Variants in ODAD2 observed in about 807,000 individuals in gnomAD.
ODAD2 encodes outer dynein arm docking complex subunit 2, also known as outer dynein arm-docking complex subunit 2.
ODAD2 carries 89 observed loss-of-function variants against 106.8 expected under a neutral mutation model. The ratio of observed to expected loss-of-function variants is 0.83; its 90% confidence interval spans 0.70 to 0.99. The LOEUF (loss-of-function observed/expected upper bound fraction) is 0.99, where lower values mean the gene tolerates loss of function less well. ODAD2 is among the 50% of genes least tolerant of loss of function. The pLI, the probability that ODAD2 is intolerant of heterozygous loss-of-function variation, is 0.00. For missense variants in ODAD2, 1,168 were observed against 1,238.5 expected, an observed-to-expected ratio of 0.94 and a Z score of 0.85; for synonymous variants, 404 against 436.2, an observed-to-expected ratio of 0.93 and a Z score of 0.92.
intron 2 of ODAD2, among the ~76,000 whole-genome samples, chr10:27,989,911 G>A (rs1393172579): frequency 1.3e-5 from 2 of 152,102 alleles, no homozygotes; most frequent in Non-Finnish European, 2.9e-5. Flanking sequence ...AGATTTTGAA[G>A]AGGAAGTTTC....
At chr10:27,836,792 GATTA>G (rs1267370105) in intron 19 of ODAD2, among the ~76,000 whole-genome samples, 5 of 152,164 alleles carry the variant, frequency 3.3e-5, no homozygotes, top group Non-Finnish European at 4.4e-5. Flanking sequence ...TCAATTGATT[GATTA>G]ATAATGTTGG....
chr10:27,820,333 T>A (rs1836502497), intron 19 of ODAD2, among the ~76,000 whole-genome samples: 1 of 151,956 alleles, frequency 6.6e-6, no homozygotes, highest in Non-Finnish European at 1.5e-5. Flanking sequence ...CTGCAGTCTC[T>A]GCTTGGGCTT....
intron 19 of ODAD2, among the ~76,000 whole-genome samples, chr10:27,826,202 G>A (rs973704074): frequency 2.0e-5 from 3 of 152,084 alleles, no homozygotes; most frequent in African/African-American, 7.2e-5. Context: ...CCCTGCTCTG[G>A]TCCACCATGA....
chr10:27,946,266 T>A (rs1846917493), intron 10 of ODAD2, among the ~76,000 whole-genome samples: 1 of 150,188 alleles, frequency 6.7e-6, no homozygotes. Flanking sequence ...AGATAACATA[T>A]AATAGGCTTA....
At chr10:27,874,828 G>T (rs1413438101) in intron 17 of ODAD2, among the ~76,000 whole-genome samples, 1 of 152,092 alleles carries the variant, frequency 6.6e-6, no homozygotes, top group East Asian at 1.9e-4. Context: ...TGACAATTAT[G>T]TGTCTTGGAG....
chr10:27,990,489 T>TAA (rs1410183258), intron 2 of ODAD2, among the ~76,000 whole-genome samples: 5 of 152,216 alleles, frequency 3.3e-5, no homozygotes, highest in South Asian at 4.1e-4. Context: ...TTTAGTGTCT[T>TAA]ACTACTTAAT....
rs535552245 is a variant in ODAD2, at chr10:27,903,382, A to T, written c.2610+4281T>A. Among the ~76,000 whole-genome samples, 3 of 152,316 alleles carry T rather than the reference A, an allele frequency of 2.0e-5. No homozygotes were observed. The South Asian group carries it at 6.2e-4, about 32-fold the overall frequency. ...AAAGCTGTAAGCATTCCCTTTGAAAACCAGCACAAGACAAGGATGCCCTCT... is the reference window on the plus strand; with the variant it reads ...AAAGCTGTAAGCATTCCCTTTGAAATCCAGCACAAGACAAGGATGCCCTCT... On this transcript the variant is annotated intron_variant, in intron 17 of 19. Transcript: ENST00000305242.
chr10:27,985,738 A>G (rs1170965037), intron 3 of ODAD2, among the ~76,000 whole-genome samples: 1 of 151,786 alleles, frequency 6.6e-6, no homozygotes, highest in Non-Finnish European at 1.5e-5. Context: ...TTGCAATGCC[A>G]TATGATCTTA....
chr10:27,883,179 T>C (rs1209442158), intron 17 of ODAD2, among the ~76,000 whole-genome samples: 1 of 151,654 alleles, frequency 6.6e-6, no homozygotes, highest in Non-Finnish European at 1.5e-5. Flanking sequence ...AGTCTGAGAG[T>C]TGTAAACTGT....
chr10:27,850,751 C>T (rs1056252453), intron 19 of ODAD2, among the ~76,000 whole-genome samples: 3 of 152,100 alleles, frequency 2.0e-5, no homozygotes, highest in African/African-American at 7.2e-5. Context: ...AACTGTGAAA[C>T]AACAACTTTC....
chr10:27,913,863 G>C (rs1208581480), intron 16 of ODAD2, among the ~76,000 whole-genome samples: 1 of 152,146 alleles, frequency 6.6e-6, no homozygotes, highest in East Asian at 1.9e-4. Flanking sequence ...GGAGAAAAGG[G>C]AAAGCTTGTA....
At chr10:27,937,339 C>CTTTTTTTTTTTTTTTTTTTTTTT (rs57375404) in intron 14 of ODAD2, among the ~76,000 whole-genome samples, 2 of 132,768 alleles carry the variant, frequency 1.5e-5, no homozygotes, top group East Asian at 2.1e-4. Flanking sequence ...TTTCTTTTTT[C>CTTTTTTTTTTTTTTTTTTTTTTT]TTTTTTTTTT....
At chr10:27,999,524 G>A (rs1312499118), upstream of ODAD2, among the ~76,000 whole-genome samples, 1 of 152,106 alleles carries the variant, frequency 6.6e-6, no homozygotes, top group Non-Finnish European at 1.5e-5. Flanking sequence ...GCAGAGGATC[G>A]GAGTGAAATG....
At chr10:27,841,627 C>T (rs948153163) in intron 19 of ODAD2, among the ~76,000 whole-genome samples, 1 of 151,908 alleles carries the variant, frequency 6.6e-6, no homozygotes, top group African/African-American at 2.4e-5. Flanking sequence ...AAATCCTGAC[C>T]TCAGGTGATC....
chr10:27,946,116 T>C (rs1013676612), intron 10 of ODAD2, among the ~76,000 whole-genome samples: 11 of 148,652 alleles, frequency 7.4e-5, no homozygotes, highest in East Asian at 1.9e-4. Context: ...TTATCTATTG[T>C]ATAATTTTAA....
chr10:27,984,169 G>T lies in ODAD2; in HGVS notation c.682+15C>A. On this transcript the variant is annotated intron_variant, in intron 5 of 19. Transcript: ENST00000305242. Reference sequence around the variant, plus strand: ...AATGTAAATAACATAAAATGAGCCTGAGAAAACATCAAACCTGAGGTATAT... The same window carrying T: ...AATGTAAATAACATAAAATGAGCCTTAGAAAACATCAAACCTGAGGTATAT... 1 of 1,579,936 alleles carries T rather than the reference G, an allele frequency of 6.3e-7. No individual in the cohort carries two copies. The highest frequency in any genetic ancestry group is 1.4e-5 in the African/African-American group (1 of 73,960).
intron 19 of ODAD2, among the ~76,000 whole-genome samples, chr10:27,824,557 T>C (rs141305156): frequency 2.1e-4 from 32 of 152,128 alleles, no homozygotes; most frequent in African/African-American, 7.0e-4. Context: ...CCTCATAAAT[T>C]ACCCAGTCTA....
chr10:27,954,910 C>T (rs189706043), intron 10 of ODAD2, among the ~76,000 whole-genome samples: 8 of 152,284 alleles, frequency 5.3e-5, no homozygotes, highest in African/African-American at 1.9e-4. Flanking sequence ...TCTTATACTA[C>T]AATATCTATG....
intron 9 of ODAD2, 71 bp from the exon 10 acceptor site, chr10:27,961,786 C>T: frequency 7.5e-7 from 1 of 1,339,540 alleles, no homozygotes; most frequent in Non-Finnish European, 1.0e-6. Context: ...TACATGGGGC[C>T]AGGTGCAGTG....
Sources: gnomAD v4.1 joint callset for allele counts (sites outside exome capture counted in the v4.1 genomes callset) on GRCh38, gnomAD v4.1.1 for gene constraint, MANE v1.5 for transcripts, NCBI Gene and HGNC (gene_info 2026-07-23, HGNC 2026-07-21) for gene names.